The following RNF145 variants were observed in gnomAD, a reference collection of about 807,000 sequenced individuals.
The protein encoded by RNF145 is ring finger protein 145.
Under a neutral mutation model 57.3 loss-of-function variants are expected in RNF145, and 12 were observed. That is an observed-to-expected ratio of 0.21 (90% CI 0.13 to 0.34). RNF145 has a LOEUF of 0.34. Ranked by LOEUF, RNF145 falls within the 10% of genes least tolerant of loss-of-function variation. The probability of loss-of-function intolerance (pLI) is 1.00; values close to 1 mark genes in which losing one functional copy is unlikely to be tolerated. For missense variants in RNF145, 429 were observed against 799.0 expected (o/e 0.54, Z 5.58); for synonymous variants, 262 against 288.3 (o/e 0.91, Z 0.92).
Position 159,169,071 on chromosome 5 carries a change from A to G in RNF145, c.939-16T>C, listed in dbSNP as rs1358663083. The G allele has an allele frequency of 6.6e-7, 1 of 1,511,664 alleles. No homozygotes were observed. Among genetic ancestry groups the G allele is most frequent in the Non-Finnish European group, 8.8e-7 (1 of 1,132,284 alleles). 93.6% of individuals were successfully genotyped at this position (1,511,664 alleles called of 1,614,324 possible). On this transcript the variant is annotated splice_polypyrimidine_tract_variant and intron_variant, in intron 7 of 10. Transcript: ENST00000424310. Reference sequence around the variant, plus strand: ...TGTCATGCCCCTAAAAAAAGCATACATTTTCAGAAAACATAAAATAATCTG... The same window carrying G: ...TGTCATGCCCCTAAAAAAAGCATACGTTTTCAGAAAACATAAAATAATCTG...
chr5:159,162,183 C>CG (rs1419671292), intron 9 of RNF145, among the ~76,000 whole-genome samples: 1 of 152,124 alleles, frequency 6.6e-6, no homozygotes, highest in Non-Finnish European at 1.5e-5. Context: ...GCAATACACA[C>CG]ACATCATATA....
At chr5:159,204,139 A>G (rs1031450576) in intron 1 of RNF145, among the ~76,000 whole-genome samples, 2 of 152,238 alleles carry the variant, frequency 1.3e-5, no homozygotes, top group African/African-American at 4.8e-5. Context: ...TTCCTTATTC[A>G]CTTACAATCA....
At chr5:159,164,271 C>T (rs796509353) in intron 8 of RNF145, among the ~76,000 whole-genome samples, 1 of 152,156 alleles carries the variant, frequency 6.6e-6, no homozygotes, top group African/African-American at 2.4e-5. Context: ...AATTAAGGAA[C>T]AAATGTAAAC....
chr5:159,187,318 TTTTTTTTTAAAGAAAAAAAA>T (rs1785105210), intron 3 of RNF145, among the ~76,000 whole-genome samples: 2 of 151,976 alleles, frequency 1.3e-5, no homozygotes, highest in Non-Finnish European at 2.9e-5. Flanking sequence ...TTATCTAGTT[TTTTTTTTTAAAGAAAAAAAA>T]TTTTTTTTTG....
At chr5:159,159,541 A>G (rs1344594998) in intron 10 of RNF145, among the ~76,000 whole-genome samples, 3 of 152,218 alleles carry the variant, frequency 2.0e-5, no homozygotes, top group Non-Finnish European at 4.4e-5. Context: ...CATTACGGAC[A>G]ATGTATATAC....
chr5:159,207,735 C>G (rs765243919), intron 1 of RNF145: 76 of 1,613,948 alleles, frequency 4.7e-5, no homozygotes, highest in Non-Finnish European at 6.3e-5. Flanking sequence ...CCACTCCTTG[C>G]TAGCTAACTT....
Position 159,169,057 on chromosome 5 carries a change from TA to T in RNF145, c.939-3del, listed in dbSNP as rs1199776230. The T allele has an allele frequency of 1.8e-5, 27 of 1,537,126 alleles. No individual in the cohort carries two copies. Among genetic ancestry groups the T allele is most frequent in the East Asian group, 9.3e-5 (4 of 43,158 alleles). Reference sequence around the variant, plus strand: ...AGCGTTACTCCTTCTGTCATGCCCCTAAAAAAAGCATACATTTTCAGAAAAC... The same window carrying T: ...AGCGTTACTCCTTCTGTCATGCCCCTAAAAAAGCATACATTTTCAGAAAAC... On this transcript the variant is annotated splice_polypyrimidine_tract_variant and splice_region_variant and intron_variant, in intron 7 of 10. Coordinates refer to ENST00000424310, the MANE Select transcript of RNF145 (RefSeq NM_001199383.2).
At chr5:159,188,412 T>G (rs898985463) in intron 3 of RNF145, among the ~76,000 whole-genome samples, 1 of 150,498 alleles carries the variant, frequency 6.6e-6, no homozygotes, top group Non-Finnish European at 1.5e-5. Flanking sequence ...AAAAAAGAAA[T>G]ACTGGAGTTT....
At chr5:159,190,165 C>T (rs919536467) in intron 3 of RNF145, among the ~76,000 whole-genome samples, 3 of 152,084 alleles carry the variant, frequency 2.0e-5, no homozygotes, top group Admixed American at 2.0e-4. Context: ...CCTCAGCCTC[C>T]GAAGTAGCTG....
At chr5:159,206,009 T>C (rs1351623369) in intron 1 of RNF145, among the ~76,000 whole-genome samples, 1 of 152,138 alleles carries the variant, frequency 6.6e-6, no homozygotes, top group Non-Finnish European at 1.5e-5. Context: ...TCATCTCTAT[T>C]ACAAAAGTCC....
At position 159,169,024 on chromosome 5, in the gene RNF145, G is replaced by A. The variant is rs61732785; in HGVS notation, c.970C>T (p.Leu324=). Residue 324 remains leucine, a synonymous_variant, in exon 8 of 11, where the codon CTG becomes TTG. Transcript: ENST00000424310. ...GMTEGVTLLI[L]AVQTGLIELQ... is the part of the protein sequence containing the mutation. ...TCTATCAGCCCAGTCTGCACTGCCA[G>A]GATTAACAGCGTTACTCCTTCTGTC... 2.0e-3 allele frequency: 3,215 copies of A among 1,587,572 alleles called. 61 individuals carry two copies. The African/African-American group carries it at 0.039, about 19-fold the overall frequency.
intron 9 of RNF145, among the ~76,000 whole-genome samples, chr5:159,162,419 T>C (rs1213484802): frequency 7.6e-6 from 1 of 131,416 alleles, no homozygotes; most frequent in Non-Finnish European, 1.6e-5. Flanking sequence ...GTTTATGTAA[T>C]ATTTTCTTTT....
At chr5:159,204,741 T>C (rs1785809881) in intron 1 of RNF145, among the ~76,000 whole-genome samples, 1 of 146,584 alleles carries the variant, frequency 6.8e-6, no homozygotes, top group African/African-American at 2.6e-5. Context: ...GATGCAGAGG[T>C]TGCAGTGAGC....
At chr5:159,160,146 T>C (rs1196565227) in intron 10 of RNF145, among the ~76,000 whole-genome samples, 3 of 152,126 alleles carry the variant, frequency 2.0e-5, no homozygotes, top group African/African-American at 7.2e-5. Context: ...GTTTTTGATG[T>C]GCTTTGTCCT....
intron 4 of RNF145, among the ~76,000 whole-genome samples, chr5:159,178,533 T>C (rs1011725897): frequency 6.6e-6 from 1 of 152,062 alleles, no homozygotes; most frequent in African/African-American, 2.4e-5. Flanking sequence ...TTAGAATAAT[T>C]AATCATATTC....
In RNF145 at chr5:159,202,959, T is replaced by TA. The variant is rs541932322; in HGVS notation, c.184+474dup. On this transcript the variant is annotated intron_variant, in intron 2 of 10. Transcript: ENST00000424310. Reference sequence around the variant, plus strand: ...ATTATAGTTCCAGGAGGATTTTTTTTATGGAACAAAGTATTATAGTATCAT... The same window carrying TA: ...ATTATAGTTCCAGGAGGATTTTTTTTAATGGAACAAAGTATTATAGTATCAT... Among the ~76,000 whole-genome samples, 195 of 152,248 alleles carry TA rather than the reference T, an allele frequency of 1.3e-3. 1 individual carries two copies. Among genetic ancestry groups the TA allele is most frequent in the African/African-American group, 4.7e-3 (194 of 41,566 alleles).
intron 8 of RNF145, 61 bp from the exon 9 acceptor site, chr5:159,163,140 A>G: frequency 6.9e-7 from 1 of 1,440,262 alleles, no homozygotes; most frequent in Non-Finnish European, 9.4e-7. Context: ...AACCACTCAC[A>G]TCAGCAGCTA....
intron 1 of RNF145, among the ~76,000 whole-genome samples, chr5:159,204,544 G>A (rs1785799350): frequency 6.6e-6 from 1 of 152,082 alleles, no homozygotes; most frequent in Non-Finnish European, 1.5e-5. Flanking sequence ...AGTGGCACAC[G>A]CCTGTAATCC....
chr5:159,161,362 A>G lies in RNF145; in HGVS notation c.1530T>C (p.Leu510=). 2.5e-6 allele frequency: 4 copies of G among 1,614,180 alleles called. No individual in the cohort carries two copies. Among genetic ancestry groups the G allele is most frequent in the Non-Finnish European group, 3.4e-6 (4 of 1,180,010 alleles). ...LRAQLGWKSF[L]LRRDAVNKIK... ...TCTTATTCACAGCATCCCTGCGGAG[A>G]AGAAAGCTCTTCCACCCCAGCTGGG... The change falls in exon 10 of 11, where the codon CTT becomes CTC. Residue 510 remains leucine, a synonymous_variant. Transcript: ENST00000424310.
Sources: allele counts gnomAD v4.1 joint callset (sites outside exome capture counted in the v4.1 genomes callset), GRCh38; gene constraint gnomAD v4.1.1; transcripts MANE v1.5; gene names NCBI Gene and HGNC (gene_info 2026-07-23, HGNC 2026-07-21).